The following CYP27C1 variants were observed in gnomAD, a reference collection of about 807,000 sequenced individuals.
CYP27C1 encodes cytochrome P450 family 27 subfamily C member 1.
Under a neutral mutation model 40.6 loss-of-function variants are expected in CYP27C1, and 29 were observed. That is an observed-to-expected ratio of 0.71 (90% CI 0.53 to 0.97). CYP27C1 has a LOEUF of 0.97. Among genes scored for constraint, CYP27C1 ranks in the 50% least tolerant of loss-of-function variants. The pLI is 0.00. For synonymous variants in CYP27C1, 198 were observed against 186.8 expected (o/e 1.06, Z -0.49); for missense variants, 390 against 485.8 (o/e 0.80, Z 1.85).
chr2:127,195,609 C>T lies in CYP27C1; in HGVS notation c.1048-108G>A. 2 of 1,107,200 alleles carry T rather than the reference C, an allele frequency of 1.8e-6. No individual in the cohort carries two copies. Among genetic ancestry groups the T allele is most frequent in the Admixed American group, 2.5e-5 (1 of 40,400 alleles). The allele number at this position is 1,107,200 out of a possible 1,614,324, so 68.6% of individuals were successfully genotyped here. On this transcript the variant is annotated intron_variant, in intron 5 of 8. Coordinates refer to ENST00000664447, the MANE Select transcript of CYP27C1 (RefSeq NM_001367502.1). The surrounding 1 kb of genome is among the most constrained non-coding windows in gnomAD (Gnocchi z 6.2). ...CCTGGGAATACACACAGCACAAAGTCAAACTCATCCAATTCCATATAGCAC... is the reference window on the plus strand; with the variant it reads ...CCTGGGAATACACACAGCACAAAGTTAAACTCATCCAATTCCATATAGCAC...
At chr2:127,204,469 AAAG>A (rs1266538692) in intron 2 of CYP27C1, among the ~76,000 whole-genome samples, 1 of 52,578 alleles carries the variant, frequency 1.9e-5, no homozygotes, top group Non-Finnish European at 4.0e-5. Flanking sequence ...AGAAAGAAAG[AAAG>A]AAAGAAAGAA....
At position 127,195,233 on chromosome 2, in the gene CYP27C1, C is replaced by T; in HGVS notation, c.1214+102G>A. On this transcript the variant is annotated intron_variant, in intron 6 of 8. Transcript: ENST00000664447. The surrounding 1 kb of genome is among the most constrained non-coding windows in gnomAD (Gnocchi z 6.2). The stretch of plus-strand genomic sequence containing the variant: ...AAATAACAGTCACGAACATCCTCAT[C>T]CTGAACAGGTCAGCCGGGGGGGCAT... 1 of 1,454,692 alleles carries T rather than the reference C, an allele frequency of 6.9e-7. No individual in the cohort carries two copies. Among genetic ancestry groups the T allele is most frequent in the Non-Finnish European group, 9.5e-7 (1 of 1,054,764 alleles). The allele number at this position is 1,454,692 out of a possible 1,614,324, so 90.1% of individuals were successfully genotyped here.
chr2:127,199,648 C>CA, intron 4 of CYP27C1, 109 bp from the exon 5 acceptor site: 1 of 1,251,930 alleles, frequency 8.0e-7, no homozygotes, highest in Admixed American at 2.7e-5. Flanking sequence ...TGGCAGGTGA[C>CA]AGAGGGTAAG....
In CYP27C1 at chr2:127,203,012, C is replaced by T. The variant is rs566713619; in HGVS notation, c.673+360G>A. ...TGAAACACTGTCTCTACTAAAAATACAAAAAATTAGCCGGGAGTGGTGGCA... is the reference window on the plus strand; with the variant it reads ...TGAAACACTGTCTCTACTAAAAATATAAAAAATTAGCCGGGAGTGGTGGCA... On this transcript the variant is annotated intron_variant, in intron 3 of 8. Transcript: ENST00000664447. Among the ~76,000 whole-genome samples, 34 of 151,928 alleles carry T rather than the reference C, an allele frequency of 2.2e-4. 1 individual carries two copies. The highest frequency in any genetic ancestry group is 8.0e-4 in the African/African-American group (33 of 41,430).
chr2:127,201,255 G>A lies in CYP27C1; in HGVS notation c.750C>T (p.Ile250=), dbSNP rs146690447. 19 of 1,608,928 alleles carry A rather than the reference G, an allele frequency of 1.2e-5. No homozygotes were observed. The highest frequency in any genetic ancestry group is 2.3e-5 in the East Asian group (1 of 44,390). Residue 250 remains isoleucine (I), a synonymous_variant, in exon 4 of 9, where the codon ATC becomes ATT. Coordinates refer to ENST00000664447, the MANE Select transcript of CYP27C1 (RefSeq NM_001367502.1). The surrounding 1 kb of genome is among the most constrained non-coding windows in gnomAD (Gnocchi z 6.0). ...TGCTAAACATGAGCTCCAGGGCCTC[G>A]ATGTATTCCACAGTCAGCTGTGGGA... The part of the protein sequence containing the change: ...NSIPQLTVEY[I]EALELMFSMF...
Position 127,187,279 on chromosome 2 carries a change from T to C in CYP27C1, c.1606A>G (p.Arg536Gly). ...AGGTTTAAAATCTAGGCTTACTTTCTGTTAACAAATCGCACGTGGATGGGC... is the reference window on the plus strand; with the variant it reads ...AGGTTTAAAATCTAGGCTTACTTTCCGTTAACAAATCGCACGTGGATGGGC... ...GGPIHVRFVN[R>G]K Residue 536 changes from arginine to glycine, a missense_variant, in exon 9 of 9, where the codon AGA becomes GGA. Transcript: ENST00000664447. The C allele has an allele frequency of 6.2e-7, 1 of 1,614,068 alleles. No individual in the cohort carries two copies. Among genetic ancestry groups the C allele is most frequent in the Non-Finnish European group, 8.5e-7 (1 of 1,179,930 alleles).
intron 2 of CYP27C1, among the ~76,000 whole-genome samples, chr2:127,204,324 G>C (rs557108069): frequency 8.8e-5 from 4 of 45,542 alleles, no homozygotes; most frequent in Non-Finnish European, 1.2e-4. Context: ...GAAGGAAGGA[G>C]GGAGGGAGGG....
rs575696157 is a variant in CYP27C1 at position 127,192,243 on chromosome 2, G to T, written c.1497+851C>A. On this transcript the variant is annotated intron_variant, in intron 8 of 8. Transcript: ENST00000664447. ...TCGGTTTCCTCATCAGTAAAATGGGGAGATGAGGTCACCAGGCACTCCCCA... is the reference window on the plus strand; with the variant it reads ...TCGGTTTCCTCATCAGTAAAATGGGTAGATGAGGTCACCAGGCACTCCCCA... Among the ~76,000 whole-genome samples the T allele has an allele frequency of 2.3e-3, 346 of 152,254 alleles. 2 individuals carry two copies. Among genetic ancestry groups the T allele is most frequent in the Non-Finnish European group, 3.4e-3 (234 of 68,016 alleles).
chr2:127,184,268 T>A lies in CYP27C1; in HGVS notation c.*3003A>T, dbSNP rs1248054063. The A allele has an allele frequency of 5.9e-5, 9 of 152,206 alleles. No individual in the cohort carries two copies. Among genetic ancestry groups the A allele is most frequent in the African/African-American group, 1.9e-4 (8 of 41,442 alleles). The allele number at this position is 152,206 out of a possible 1,614,324, so 9.4% of individuals were successfully genotyped here. A position where few individuals can be genotyped will look rare whatever the true frequency, so the allele number is the denominator to read the frequency against. On this transcript the variant is annotated 3_prime_UTR_variant, in exon 9 of 9. Coordinates refer to ENST00000664447, the MANE Select transcript of CYP27C1 (RefSeq NM_001367502.1). ...ATATTTTTGGCTTTTATTTTATTTTTAAAAATTATCTCTTAAATGTCTTTT... is the reference window on the plus strand; with the variant it reads ...ATATTTTTGGCTTTTATTTTATTTTAAAAAATTATCTCTTAAATGTCTTTT...
chr2:127,204,272 AAAAG>A (rs1321936373), intron 2 of CYP27C1, among the ~76,000 whole-genome samples: 18 of 127,386 alleles, frequency 1.4e-4, no homozygotes, highest in Admixed American at 2.6e-4. Flanking sequence ...TCTCAAAAAA[AAAAG>A]AAAGAAAGAG....
chr2:127,216,312 G>A (rs1573908993), intron 1 of CYP27C1, among the ~76,000 whole-genome samples: 1 of 152,182 alleles, frequency 6.6e-6, no homozygotes, highest in Non-Finnish European at 1.5e-5. Context: ...ACTGATGAAT[G>A]GATAAGCAAA....
intron 8 of CYP27C1, among the ~76,000 whole-genome samples, 169 bp downstream of exon 8, chr2:127,192,925 C>G (rs935196901): frequency 2.0e-5 from 3 of 152,222 alleles, no homozygotes; most frequent in Non-Finnish European, 4.4e-5. Flanking sequence ...AGCCTCCCGC[C>G]TCAGCCTCCT....
At chr2:127,187,734 A>G (rs2104669662) in intron 8 of CYP27C1, among the ~76,000 whole-genome samples, 1 of 152,338 alleles carries the variant, frequency 6.6e-6, no homozygotes, top group South Asian at 2.1e-4. Flanking sequence ...AGAAGGCATC[A>G]AAGGAGCAGG....
intron 1 of CYP27C1, among the ~76,000 whole-genome samples, chr2:127,212,304 C>A (rs191911599): frequency 6.6e-6 from 1 of 152,124 alleles, no homozygotes; most frequent in South Asian, 2.1e-4. Context: ...GGGACTCCCC[C>A]CTAACTCATT....
At chr2:127,205,567 C>T in intron 2 of CYP27C1, 1 of 535,486 alleles carries the variant, frequency 1.9e-6, no homozygotes, top group Non-Finnish European at 2.4e-6. Flanking sequence ...TCCCTGTGCA[C>T]AGACAAGGGC....
chr2:127,213,970 A>G (rs1210105113), intron 1 of CYP27C1, among the ~76,000 whole-genome samples: 3 of 152,250 alleles, frequency 2.0e-5, no homozygotes, highest in Non-Finnish European at 2.9e-5. Context: ...TACAAGAAAA[A>G]AACAAATGGC....
rs1053835247 is a variant in CYP27C1, at chr2:127,201,627, G to C, written c.674-296C>G. ...TGAGAGTTTAAGTAGCTTGGCTAAG[G>C]CTGCAGAGGAGGACCCTGGGACAGA... On this transcript the variant is annotated intron_variant, in intron 3 of 8. Transcript: ENST00000664447. This position sits in a 1 kb window ranked among gnomAD's most constrained non-coding sequence, Gnocchi z 6.0. Among the ~76,000 whole-genome samples the C allele has an allele frequency of 6.6e-6, 1 of 152,176 alleles. No homozygotes were observed. The highest frequency in any genetic ancestry group is 1.5e-5 in the Non-Finnish European group (1 of 68,038).
rs1038487482 is a variant in CYP27C1 at position 127,196,505 on chromosome 2, C to T, written c.1048-1004G>A. ...TCACTCTCTAGTAAACAAGGAAATGCCACAGTATAAAGGCCTTTCTCTTTC... is the reference window on the plus strand; with the variant it reads ...TCACTCTCTAGTAAACAAGGAAATGTCACAGTATAAAGGCCTTTCTCTTTC... On this transcript the variant is annotated intron_variant, in intron 5 of 8. Transcript: ENST00000664447. The surrounding 1 kb of genome is among the most constrained non-coding windows in gnomAD (Gnocchi z 4.5). 6.7e-6 allele frequency among the ~76,000 whole-genome samples: 1 copy of T among 149,758 alleles called. No homozygotes were observed. The highest frequency in any genetic ancestry group is 1.5e-5 in the Non-Finnish European group (1 of 67,754).
chr2:127,199,596 G>A, intron 4 of CYP27C1, 57 bp from the exon 5 acceptor site: 2 of 1,521,052 alleles, frequency 1.3e-6, no homozygotes, highest in Non-Finnish European at 8.9e-7. Context: ...CATCTTTTCA[G>A]TCTCAAAGCC....
Sources: allele counts gnomAD v4.1 joint callset (sites outside exome capture counted in the v4.1 genomes callset), GRCh38; gene constraint gnomAD v4.1.1; non-coding constraint Gnocchi (gnomAD v3.1); transcripts MANE v1.5; gene names NCBI Gene and HGNC (gene_info 2026-07-23, HGNC 2026-07-21).